Variants in ADGRL3 observed in about 807,000 individuals in gnomAD.
ADGRL3 encodes calcium-independent alpha-latrotoxin receptor 3.
ADGRL3 carries 62 observed loss-of-function variants against 153.5 expected under a neutral mutation model. That is an observed-to-expected ratio of 0.40 (90% CI 0.33 to 0.50). The LOEUF (loss-of-function observed/expected upper bound fraction) is 0.50. Ranked by LOEUF, ADGRL3 falls within the 20% of genes least tolerant of loss-of-function variation. The pLI is 0.47. For missense variants in ADGRL3, 1,641 were observed against 1,859.4 expected (o/e 0.88, Z 2.16); for synonymous variants, 710 against 672.5 (o/e 1.06, Z -0.86).
chr4:61,749,070 A>T (rs982833289), intron 8 of ADGRL3, among the ~76,000 whole-genome samples: 1 of 151,966 alleles, frequency 6.6e-6, no homozygotes, highest in African/African-American at 2.4e-5. Context: ...GACACTTCTC[A>T]AAAGAAGACA....
At chr4:61,757,478 AT>A (rs1394784060) in intron 8 of ADGRL3, among the ~76,000 whole-genome samples, 2 of 151,912 alleles carry the variant, frequency 1.3e-5, no homozygotes, top group Non-Finnish European at 2.9e-5. Context: ...CCCCTTTATC[AT>A]TTTTTTATTG....
At chr4:61,269,411 G>C (rs2093034569) in intron 1 of ADGRL3, among the ~76,000 whole-genome samples, 3 of 151,618 alleles carry the variant, frequency 2.0e-5, no homozygotes, top group Admixed American at 2.0e-4. Flanking sequence ...TTTCAAGTTT[G>C]AGTAGATTAA....
At chr4:61,969,924 T>C (rs1464104441) in intron 17 of ADGRL3, among the ~76,000 whole-genome samples, 1 of 152,166 alleles carries the variant, frequency 6.6e-6, no homozygotes, top group African/African-American at 2.4e-5. Context: ...TCTTTTAACC[T>C]TCTGCATCCA....
Position 61,532,188 on chromosome 4 carries a change from A to T in ADGRL3, c.259+14670A>T, listed in dbSNP as rs149807279. On this transcript the variant is annotated intron_variant, in intron 4 of 26. Transcript: ENST00000683033. Reference sequence around the variant, plus strand: ...GCATGTGAGGAAGGAAGGCAGTCAGATATGCGTGACTGCATCTAGACAGAA... The same window carrying T: ...GCATGTGAGGAAGGAAGGCAGTCAGTTATGCGTGACTGCATCTAGACAGAA... Among the ~76,000 whole-genome samples, 402 of 152,326 alleles carry T rather than the reference A, an allele frequency of 2.6e-3. 6 individuals are homozygous for T. The highest frequency in any genetic ancestry group is 0.012 in the East Asian group (62 of 5,172).
chr4:61,837,580 G>A (rs1315764822), intron 9 of ADGRL3, among the ~76,000 whole-genome samples: 3 of 152,022 alleles, frequency 2.0e-5, no homozygotes, highest in South Asian at 2.1e-4. Context: ...ACTCAGAGTC[G>A]GTATGTTCTC....
At position 62,070,604 on chromosome 4, in the gene ADGRL3, A is replaced by T; in HGVS notation, c.4328A>T (p.Asp1443Val). Reference protein sequence around the residue: ...FPLLTNEHTEDLQSPHRDSLY... With the variant: ...FPLLTNEHTEVLQSPHRDSLY... The stretch of plus-strand genomic sequence containing the variant: ...TTGCTAACCAACGAGCACACAGAAG[A>T]TCTCCAGTCACCCCATAGAGACTCT... The change falls in exon 27 of 27, where the codon GAT (aspartate) becomes GTT (valine). Residue 1443 changes from aspartate (D) to valine (V), a missense_variant. Around this residue, in one of 5 missense-constraint regions of ADGRL3, gnomAD observed 517 missense variants for 555.0 expected, o/e 0.93. Transcript: ENST00000683033. 6.4e-7 allele frequency: 1 copy of T among 1,551,598 alleles called. No individual in the cohort carries two copies. Among genetic ancestry groups the T allele is most frequent in the Non-Finnish European group, 8.7e-7 (1 of 1,146,990 alleles).
At chr4:61,777,796 G>A (rs1232891297) in intron 8 of ADGRL3, among the ~76,000 whole-genome samples, 1 of 152,126 alleles carries the variant, frequency 6.6e-6, no homozygotes, top group Non-Finnish European at 1.5e-5. Context: ...AGAAAAAAAT[G>A]CAGTTCTTAA....
At chr4:61,578,458 C>A (rs1293032156) in intron 4 of ADGRL3, among the ~76,000 whole-genome samples, 2 of 152,028 alleles carry the variant, frequency 1.3e-5, no homozygotes, top group Admixed American at 1.3e-4. Flanking sequence ...TTCCTTTAAC[C>A]CTAATCTGTT....
chr4:61,771,719 TC>T (rs1373681851), intron 8 of ADGRL3, among the ~76,000 whole-genome samples: 3 of 151,912 alleles, frequency 2.0e-5, no homozygotes, highest in East Asian at 3.9e-4. Flanking sequence ...CCACAACCAC[TC>T]CCCACCACCT....
chr4:61,301,298 G>T (rs979175267), intron 1 of ADGRL3, among the ~76,000 whole-genome samples: 6 of 152,048 alleles, frequency 3.9e-5, no homozygotes, highest in African/African-American at 1.4e-4. Flanking sequence ...GCTAAATAAA[G>T]AAAAATATTA....
chr4:61,369,688 TA>T (rs2096482550), intron 1 of ADGRL3, among the ~76,000 whole-genome samples: 1 of 152,180 alleles, frequency 6.6e-6, no homozygotes. Context: ...GGTCTAAAGT[TA>T]TCCTTTTTGG....
At chr4:61,928,089 A>G (rs1396250052) in intron 13 of ADGRL3, among the ~76,000 whole-genome samples, 5 of 151,556 alleles carry the variant, frequency 3.3e-5, no homozygotes, top group African/African-American at 9.7e-5. Context: ...ATTATGGCAT[A>G]TATTGCTAAG....
intron 18 of ADGRL3, among the ~76,000 whole-genome samples, chr4:61,981,880 G>A (rs1180226635): frequency 6.6e-6 from 1 of 152,150 alleles, no homozygotes; most frequent in Non-Finnish European, 1.5e-5. Flanking sequence ...ATTAATGACT[G>A]TAAAGGGTAC....
intron 1 of ADGRL3, among the ~76,000 whole-genome samples, chr4:61,370,382 C>T (rs902504592): frequency 2.0e-5 from 3 of 150,982 alleles, no homozygotes; most frequent in African/African-American, 4.9e-5. Context: ...TATAAATTTC[C>T]GTCTACACAC....
At chr4:61,646,732 T>C (rs1469850485) in intron 5 of ADGRL3, among the ~76,000 whole-genome samples, 1 of 152,110 alleles carries the variant, frequency 6.6e-6, no homozygotes, top group Non-Finnish European at 1.5e-5. Context: ...GTCTTTTTGT[T>C]TGTCTGTGCC....
At chr4:61,511,116 G>A (rs1251116885) in intron 3 of ADGRL3, among the ~76,000 whole-genome samples, 1 of 152,118 alleles carries the variant, frequency 6.6e-6, no homozygotes, top group East Asian at 1.9e-4. Context: ...CCAACACTGT[G>A]GGAGGGCAAG....
intron 8 of ADGRL3, among the ~76,000 whole-genome samples, chr4:61,811,467 C>T (rs914337886): frequency 2.0e-5 from 3 of 151,738 alleles, no homozygotes; most frequent in Non-Finnish European, 4.4e-5. Flanking sequence ...TGAGTGGCTG[C>T]CTAGAGCTGA....
intron 2 of ADGRL3, among the ~76,000 whole-genome samples, chr4:61,490,962 A>T (rs914608279): frequency 1.3e-5 from 2 of 152,180 alleles, no homozygotes; most frequent in South Asian, 4.1e-4. Flanking sequence ...TTTACAAAAC[A>T]TAATATATTT....
At chr4:61,704,824 T>C (rs548443488) in intron 6 of ADGRL3, among the ~76,000 whole-genome samples, 2 of 152,354 alleles carry the variant, frequency 1.3e-5, no homozygotes, top group Admixed American at 6.5e-5. Context: ...AGATTCCAAC[T>C]CAAAGAACCA....
Sources: gnomAD v4.1 joint callset for allele counts (sites outside exome capture counted in the v4.1 genomes callset) on GRCh38, gnomAD v4.1.1 for gene constraint, gnomAD v4.1.1 regional missense constraint, MANE v1.5 for transcripts, NCBI Gene and HGNC (gene_info 2026-07-23, HGNC 2026-07-21) for gene names.